The following GSE1 variants were observed in gnomAD, a reference collection of about 807,000 sequenced individuals.
GSE1 encodes the protein genetic suppressor element 1.
Under a neutral mutation model 112.6 loss-of-function variants are expected in GSE1, and 32 were observed. That is an observed-to-expected ratio of 0.28 (90% CI 0.21 to 0.38). GSE1 has a LOEUF of 0.38. Among genes scored for constraint, GSE1 ranks in the 10% least tolerant of loss-of-function variants. GSE1 has a pLI of 1.00. For missense variants in GSE1, 2,348 were observed against 1,699.2 expected (o/e 1.38, Z -6.71); for synonymous variants, 1,115 against 735.6 (o/e 1.52, Z -8.35).
chr16:85,200,639 A>G (rs2075010436), intron 1 of GSE1, among the ~76,000 whole-genome samples: 1 of 152,144 alleles, frequency 6.6e-6, no homozygotes. Context: ...AATCACCCCA[A>G]GAGGACATTG....
In GSE1 at chr16:85,202,514, G is replaced by A. The variant is rs183613752; in HGVS notation, c.2283+30707G>A. Among the ~76,000 whole-genome samples, 381 of 152,344 alleles carry A rather than the reference G, an allele frequency of 2.5e-3. 1 individual carries two copies. Among genetic ancestry groups the A allele is most frequent in the Non-Finnish European group, 4.1e-3 (280 of 68,018 alleles). On this transcript the variant is annotated intron_variant, in intron 1 of 2. Transcript: ENST00000637419. ...CCTGGGCTCATGGTGGCGCTGATGGGGAGGGGGCCGGCTCTGGAGAACATG... is the reference window on the plus strand; with the variant it reads ...CCTGGGCTCATGGTGGCGCTGATGGAGAGGGGGCCGGCTCTGGAGAACATG...
At chr16:85,383,544 TC>T in intron 2 of GSE1, among the ~76,000 whole-genome samples, 1 of 9,266 alleles carries the variant, frequency 1.1e-4, no homozygotes, top group African/African-American at 2.2e-4. Context: ...TCTCTCTCTC[TC>T]TCTCTCTCTC....
chr16:85,563,301 T>C (rs1396222701), intron 1 of GSE1, among the ~76,000 whole-genome samples: 1 of 152,054 alleles, frequency 6.6e-6, no homozygotes, highest in Admixed American at 6.6e-5. Context: ...AATTACTAAG[T>C]GTGGCATATT....
chr16:85,171,028 G>A, exon 1 of GSE1: 1 of 985,710 alleles, frequency 1.0e-6, no homozygotes, highest in Non-Finnish European at 1.2e-6. Context: ...GATCCTCAAC[G>A]GCAACGCCAG....
At chr16:85,190,189 G>C (rs1197259010) in intron 1 of GSE1, among the ~76,000 whole-genome samples, 1 of 152,242 alleles carries the variant, frequency 6.6e-6, no homozygotes, top group Admixed American at 6.5e-5. Context: ...CCCTGTGATG[G>C]ACATTGGTGA....
Position 85,656,592 on chromosome 16 carries a change from G to A in GSE1, c.1239G>A (p.Glu413=). Residue 413 remains glutamate, a synonymous_variant, in exon 7 of 16, where the codon GAG becomes GAA. Coordinates refer to ENST00000253458, the MANE Select transcript of GSE1 (RefSeq NM_014615.5). ...ALEPSFLPVA[E]LHGLRGHATE... ...AGCCCAGCTTCCTGCCCGTGGCCGA[G>A]CTGCATGGGCTGCGTGGCCATGCCA... is the stretch of plus-strand genomic sequence containing the variant. The A allele has an allele frequency of 6.5e-7, 1 of 1,546,656 alleles. No individual in the cohort carries two copies.
chr16:85,376,145 C>T (rs1007359130), intron 2 of GSE1, among the ~76,000 whole-genome samples: 3 of 152,196 alleles, frequency 2.0e-5, no homozygotes, highest in Admixed American at 6.5e-5. Context: ...TCTCTCTTTT[C>T]ATCCCCAGCC....
chr16:85,510,989 A>G (rs543797633), intron 2 of GSE1, among the ~76,000 whole-genome samples: 139 of 152,276 alleles, frequency 9.1e-4, no homozygotes, highest in African/African-American at 3.2e-3. Flanking sequence ...TTATTTTTCC[A>G]CTTGCATGCG....
At chr16:85,584,090 G>A (rs990038194) in intron 1 of GSE1, among the ~76,000 whole-genome samples, 4 of 152,316 alleles carry the variant, frequency 2.6e-5, no homozygotes, top group Admixed American at 1.3e-4. Flanking sequence ...ATGGGGACGG[G>A]GACACAGGCT....
At chr16:85,182,909 A>G (rs2074620914) in intron 1 of GSE1, among the ~76,000 whole-genome samples, 1 of 151,676 alleles carries the variant, frequency 6.6e-6, no homozygotes, top group Non-Finnish European at 1.5e-5. Flanking sequence ...GCACACACGC[A>G]CCTTGCACCT....
intron 1 of GSE1, among the ~76,000 whole-genome samples, chr16:85,224,964 G>T (rs546171426): frequency 1.3e-5 from 2 of 152,180 alleles, no homozygotes; most frequent in Admixed American, 1.3e-4. Context: ...CCTGTCTGTA[G>T]TAAAAATACA....
chr16:85,434,008 C>T (rs1460541004), intron 2 of GSE1, among the ~76,000 whole-genome samples: 1 of 152,124 alleles, frequency 6.6e-6, no homozygotes, highest in Non-Finnish European at 1.5e-5. Flanking sequence ...CCTAGGCCTG[C>T]TCAGCTGGGC....
chr16:85,598,258 C>T (rs2047321275), intron 1 of GSE1, among the ~76,000 whole-genome samples: 1 of 146,716 alleles, frequency 6.8e-6, no homozygotes, highest in South Asian at 2.2e-4. Flanking sequence ...GCAGCTGGCT[C>T]CTGCTCTCTG....
intron 2 of GSE1, among the ~76,000 whole-genome samples, chr16:85,531,499 T>C (rs1264647229): frequency 6.6e-6 from 1 of 152,142 alleles, no homozygotes; most frequent in East Asian, 1.9e-4. Flanking sequence ...GGGCCTCAGC[T>C]TTCCAGGCAG....
At chr16:85,444,535 C>T (rs139575749) in intron 2 of GSE1, among the ~76,000 whole-genome samples, 1 of 152,262 alleles carries the variant, frequency 6.6e-6, no homozygotes, top group Non-Finnish European at 1.5e-5. Context: ...GCTTCTGGGG[C>T]ATTCTGTTTC....
intron 1 of GSE1, among the ~76,000 whole-genome samples, chr16:85,572,285 C>A (rs1181615677): frequency 6.8e-6 from 1 of 147,340 alleles, no homozygotes; most frequent in East Asian, 2.0e-4. Flanking sequence ...ACACCACATA[C>A]CCCCACACAC....
chr16:85,319,856 C>T (rs2966841), intron 1 of GSE1, among the ~76,000 whole-genome samples: 2,939 of 152,280 alleles, frequency 0.019, 103 homozygotes, highest in African/African-American at 0.066. Context: ...AACTGAAGTG[C>T]CGTTTGAGGC....
chr16:85,389,835 C>G (rs919647685), intron 2 of GSE1, among the ~76,000 whole-genome samples: 1 of 152,184 alleles, frequency 6.6e-6, no homozygotes, highest in African/African-American at 2.4e-5. Flanking sequence ...GATAAGCAAA[C>G]TGAGGCCCAG....
intron 1 of GSE1, among the ~76,000 whole-genome samples, chr16:85,216,995 G>T (rs1449886716): frequency 6.6e-6 from 1 of 152,230 alleles, no homozygotes; most frequent in Non-Finnish European, 1.5e-5. Flanking sequence ...TGGGATGAAG[G>T]AGCGGGGCGC....
Sources: gnomAD v4.1 joint callset for allele counts (sites outside exome capture counted in the v4.1 genomes callset) on GRCh38, gnomAD v4.1.1 for gene constraint, MANE v1.5 for transcripts, NCBI Gene and HGNC (gene_info 2026-07-23, HGNC 2026-07-21) for gene names.